FAM135A: variants seen among roughly 807,000 people sequenced by gnomAD.
FAM135A encodes protein FAM135A.
A neutral mutation model predicts 146.8 loss-of-function variants in FAM135A; 79 were observed. The observed-to-expected ratio is 0.54, with a 90% confidence interval of 0.45 to 0.65. FAM135A has a LOEUF of 0.65. Ranked by LOEUF, FAM135A falls within the 30% of genes least tolerant of loss-of-function variation. FAM135A has a pLI of 0.00. For missense variants in FAM135A, 1,623 were observed against 1,758.2 expected (o/e 0.92, Z 1.38); for synonymous variants, 562 against 603.6 (o/e 0.93, Z 1.01).
Position 70,523,459 on chromosome 6 carries a change from A to T in FAM135A, c.1104-508A>T, listed in dbSNP as rs542476671. Reference sequence around the variant, plus strand: ...TTCTTTGATTTGTTTGAAATTTTCCATAAGACAGGGTTTTCTGTTTTAACT... The same window carrying T: ...TTCTTTGATTTGTTTGAAATTTTCCTTAAGACAGGGTTTTCTGTTTTAACT... On this transcript the variant is annotated intron_variant, in intron 13 of 21. Transcript: ENST00000418814. 2.2e-4 allele frequency among the ~76,000 whole-genome samples: 33 copies of T among 152,286 alleles called. No individual in the cohort carries two copies. In the South Asian group the frequency reaches 2.3e-3, roughly 11 times the overall value.
chr6:70,528,946 T>C (rs1287155278), intron 16 of FAM135A, among the ~76,000 whole-genome samples: 1 of 151,992 alleles, frequency 6.6e-6, no homozygotes, highest in African/African-American at 2.4e-5. Context: ...TGTTTGGTTT[T>C]CTGTTCCTGT....
At chr6:70,484,810 A>T (rs58605827) in intron 10 of FAM135A, among the ~76,000 whole-genome samples, 7 of 152,306 alleles carry the variant, frequency 4.6e-5, no homozygotes, top group African/African-American at 1.2e-4. Flanking sequence ...ACCAGTCCAC[A>T]GTCTGGGTGT....
intron 11 of FAM135A, among the ~76,000 whole-genome samples, chr6:70,494,416 G>C (rs2128227130): frequency 6.6e-6 from 1 of 151,524 alleles, no homozygotes; most frequent in East Asian, 2.0e-4. Flanking sequence ...TACTGCCTGA[G>C]TCCAGGAAAT....
At chr6:70,478,923 TG>T (rs1246504265) in intron 8 of FAM135A, among the ~76,000 whole-genome samples, 1 of 152,132 alleles carries the variant, frequency 6.6e-6, no homozygotes, top group Non-Finnish European at 1.5e-5. Flanking sequence ...TCTAACAAAG[TG>T]TGTTTTTTGA....
chr6:70,494,963 T>C (rs1786890396), intron 11 of FAM135A, among the ~76,000 whole-genome samples: 1 of 152,196 alleles, frequency 6.6e-6, no homozygotes, highest in African/African-American at 2.4e-5. Context: ...CTTCTTTTTC[T>C]AAACTCCATT....
intron 8 of FAM135A, 132 bp from the exon 9 acceptor site, chr6:70,480,769 A>G: frequency 4.5e-6 from 3 of 671,010 alleles, no homozygotes; most frequent in Non-Finnish European, 6.6e-6. Context: ...AAATTACTTT[A>G]GGAGTACTTT....
At chr6:70,513,459 G>A (rs1414296586) in intron 12 of FAM135A, 4 of 149,636 alleles carry the variant, frequency 2.7e-5, no homozygotes, top group Non-Finnish European at 4.5e-5. Context: ...ATCAATTTAG[G>A]GACAATTACC....
chr6:70,525,712 G>A lies in FAM135A; in HGVS notation c.2628G>A (p.Thr876=), dbSNP rs748536136. The part of the protein sequence containing the change: ...NDSKTVLNLG[T]TDLPKCDDTK... ...GCAAAACTGTATTAAATCTAGGAAC[G>A]ACTGATTTGCCAAAATGTGATGATA... is the stretch of plus-strand genomic sequence containing the variant. Residue 876 remains threonine, a synonymous_variant, in exon 15 of 22, where the codon ACG becomes ACA. Coordinates refer to ENST00000418814, the MANE Select transcript of FAM135A (RefSeq NM_001162529.3). The A allele has an allele frequency of 7.4e-6, 12 of 1,612,626 alleles. No homozygotes were observed. The highest frequency in any genetic ancestry group is 2.2e-5 in the East Asian group (1 of 44,860).
chr6:70,542,590 A>G (rs1045642837), intron 20 of FAM135A, among the ~76,000 whole-genome samples: 3 of 152,104 alleles, frequency 2.0e-5, no homozygotes, highest in Admixed American at 6.6e-5. Context: ...CTGGAGTGCA[A>G]TGGCACAATC....
At chr6:70,486,744 C>A (rs1582474817) in intron 10 of FAM135A, among the ~76,000 whole-genome samples, 2 of 152,202 alleles carry the variant, frequency 1.3e-5, no homozygotes. Flanking sequence ...GCCTGACCAA[C>A]ATAATGAAAC....
intron 16 of FAM135A, among the ~76,000 whole-genome samples, chr6:70,532,938 A>C (rs1796105467): frequency 6.6e-6 from 1 of 152,170 alleles, no homozygotes; most frequent in Non-Finnish European, 1.5e-5. Context: ...TCTCAAAAAA[A>C]AAAAGAAAGA....
At chr6:70,550,147 C>CT (rs774204315) in intron 20 of FAM135A, among the ~76,000 whole-genome samples, 8 of 152,210 alleles carry the variant, frequency 5.3e-5, no homozygotes, top group Non-Finnish European at 1.2e-4. Flanking sequence ...TCACTGAAGT[C>CT]TTGACCCCCT....
rs994193933 is a variant in FAM135A, at chr6:70,488,484, T to C, written c.824-2550T>C. On this transcript the variant is annotated intron_variant, in intron 10 of 21. Coordinates refer to ENST00000418814, the MANE Select transcript of FAM135A (RefSeq NM_001162529.3). ...AGCCAAGCCCCCCCCCCCAGAAATATATGATAATCATCACATTTATACATT... is the reference window on the plus strand; with the variant it reads ...AGCCAAGCCCCCCCCCCCAGAAATACATGATAATCATCACATTTATACATT... 3.6e-5 allele frequency among the ~76,000 whole-genome samples: 5 copies of C among 139,172 alleles called. No homozygotes were observed. In the Middle Eastern group the frequency reaches 0.011, roughly 316 times the overall value. The allele number at this position is 139,172 out of a possible 152,430, so 91.3% of individuals were successfully genotyped here.
chr6:70,528,334 T>G lies in FAM135A; in HGVS notation c.3657T>G (p.Pro1219=). The G allele has an allele frequency of 6.2e-7, 1 of 1,612,166 alleles. No individual in the cohort carries two copies. The highest frequency in any genetic ancestry group is 2.2e-5 in the East Asian group (1 of 44,844). Residue 1219 remains proline (P), a synonymous_variant, in exon 16 of 22, where the codon CCT becomes CCG. Transcript: ENST00000418814. ...AKEELKLLKL[P]GFMYSEVPLL... ...AAGAACTGAAGCTACTAAAACTTCC[T>G]GGGTTCATGTACAGTGAAGTTCCTC...
intron 4 of FAM135A, among the ~76,000 whole-genome samples, chr6:70,435,079 GTGTATATATA>G (rs1327781356): frequency 5.3e-4 from 48 of 89,840 alleles, no homozygotes; most frequent in African/African-American, 1.5e-3. Context: ...GTGTGTGTGT[GTGTATATATA>G]TATATATATA....
At chr6:70,520,624 T>C (rs1215097731) in intron 12 of FAM135A, among the ~76,000 whole-genome samples, 1 of 151,986 alleles carries the variant, frequency 6.6e-6, no homozygotes, top group Non-Finnish European at 1.5e-5. Context: ...ACAAAATTCA[T>C]TTTTTATAAA....
chr6:70,544,835 G>A (rs1798563541), intron 20 of FAM135A, among the ~76,000 whole-genome samples: 2 of 151,754 alleles, frequency 1.3e-5, no homozygotes, highest in Non-Finnish European at 2.9e-5. Context: ...TGGATCACCT[G>A]AGGAAAGGAG....
chr6:70,489,984 T>A (rs575204927), intron 10 of FAM135A, among the ~76,000 whole-genome samples: 3 of 152,316 alleles, frequency 2.0e-5, no homozygotes, highest in East Asian at 3.9e-4. Flanking sequence ...GAGGCTCCCT[T>A]GCCTGCTCGT....
At chr6:70,513,123 A>G (rs1791414612) in intron 12 of FAM135A, among the ~76,000 whole-genome samples, 1 of 151,642 alleles carries the variant, frequency 6.6e-6, no homozygotes, top group Non-Finnish European at 1.5e-5. Flanking sequence ...TTCCTGTTGC[A>G]TTGGCCTGTT....
Sources: allele counts gnomAD v4.1 joint callset (sites outside exome capture counted in the v4.1 genomes callset), GRCh38; gene constraint gnomAD v4.1.1; transcripts MANE v1.5; gene names NCBI Gene and HGNC (gene_info 2026-07-23, HGNC 2026-07-21).